The following ASTN2 variants were observed in gnomAD, a reference collection of about 807,000 sequenced individuals.
The protein encoded by ASTN2 is astrotactin-2.
A neutral mutation model predicts 139.8 loss-of-function variants in ASTN2; 54 were observed. The observed-to-expected ratio is 0.39, with a 90% CI of 0.31 to 0.48. The LOEUF is 0.48. Among genes scored for constraint, ASTN2 ranks in the 20% least tolerant of loss-of-function variants. ASTN2 has a pLI of 0.95. For synonymous variants in ASTN2, 756 were observed against 719.5 expected, an observed-to-expected ratio of 1.05 and a Z score of -0.81; for missense variants, 1,565 against 1,725.1, an observed-to-expected ratio of 0.91 and a Z score of 1.64.
chr9:116,826,397 G>A (rs1171853174), intron 11 of ASTN2, among the ~76,000 whole-genome samples: 2 of 152,112 alleles, frequency 1.3e-5, no homozygotes, highest in Non-Finnish European at 2.9e-5. Context: ...TCCCAGGCTT[G>A]GGGCCGAGTT....
chr9:117,030,782 C>A (rs1424171695), intron 6 of ASTN2, among the ~76,000 whole-genome samples: 1 of 151,792 alleles, frequency 6.6e-6, no homozygotes, highest in Non-Finnish European at 1.5e-5. Flanking sequence ...GAATTCTACT[C>A]TAGGGGGTAT....
intron 1 of ASTN2, among the ~76,000 whole-genome samples, chr9:117,314,148 C>T (rs1366473477): frequency 6.6e-6 from 1 of 152,148 alleles, no homozygotes; most frequent in Non-Finnish European, 1.5e-5. Flanking sequence ...TGGTGCTTTG[C>T]ATTTGATTGT....
At chr9:117,194,051 G>A (rs1831423796) in intron 3 of ASTN2, among the ~76,000 whole-genome samples, 1 of 152,168 alleles carries the variant, frequency 6.6e-6, no homozygotes. Flanking sequence ...CACAAGAAAG[G>A]GCAGGTTGAG....
intron 19 of ASTN2, among the ~76,000 whole-genome samples, chr9:116,563,586 G>T (rs544867698): frequency 3.6e-4 from 54 of 151,912 alleles, no homozygotes; most frequent in Non-Finnish European, 5.7e-4. Context: ...ATCTCCTTCC[G>T]ATCTTTGCTC....
chr9:117,222,668 A>T (rs1564488584), intron 2 of ASTN2, among the ~76,000 whole-genome samples: 1 of 151,994 alleles, frequency 6.6e-6, no homozygotes, highest in South Asian at 2.1e-4. Context: ...CCCATACTTC[A>T]CTGTTAACTT....
chr9:117,074,240 C>T (rs1343581209), intron 5 of ASTN2, among the ~76,000 whole-genome samples: 3 of 152,100 alleles, frequency 2.0e-5, no homozygotes, highest in Non-Finnish European at 4.4e-5. Flanking sequence ...CCATGTTGCC[C>T]GTTCTCTAGA....
intron 2 of ASTN2, among the ~76,000 whole-genome samples, chr9:117,222,347 A>G (rs1013297313): frequency 2.0e-5 from 3 of 152,178 alleles, no homozygotes; most frequent in Admixed American, 2.0e-4. Context: ...CTTGCTACAG[A>G]GAAGGCATGG....
rs546234724 is a variant in ASTN2, at chr9:117,251,100, C to T, written c.631-36358G>A. ...AGCTGAGGAGTCAGCACTATGACAG[C>T]ATCCTCGCTTTGCAGAGGAGAAGCT... is the stretch of plus-strand genomic sequence containing the variant. On this transcript the variant is annotated intron_variant, in intron 2 of 22. Coordinates refer to ENST00000313400, the MANE Select transcript of ASTN2 (RefSeq NM_001365068.1). Among the ~76,000 whole-genome samples the T allele has an allele frequency of 6.6e-5, 10 of 152,274 alleles. 1 individual carries two copies. Among genetic ancestry groups the T allele is most frequent in the African/African-American group, 2.4e-4 (10 of 41,574 alleles).
intron 3 of ASTN2, chr9:117,197,563 A>G (rs564815850): frequency 6.6e-6 from 1 of 152,346 alleles, no homozygotes; most frequent in African/African-American, 2.4e-5. Context: ...CTCCATTAAT[A>G]TATATGTAGG....
At chr9:116,679,489 G>T (rs1005833337) in intron 16 of ASTN2, among the ~76,000 whole-genome samples, 12 of 152,080 alleles carry the variant, frequency 7.9e-5, no homozygotes, top group African/African-American at 2.9e-4. Context: ...CTTAGTATAT[G>T]TTATCAGTAA....
intron 6 of ASTN2, among the ~76,000 whole-genome samples, chr9:117,012,444 C>T (rs957176215): frequency 6.6e-6 from 1 of 152,136 alleles, no homozygotes. Flanking sequence ...ATTTACCCAA[C>T]GTTGATTAAA....
intron 20 of ASTN2, among the ~76,000 whole-genome samples, chr9:116,478,087 G>C (rs1327171250): frequency 6.8e-6 from 1 of 148,082 alleles, no homozygotes; most frequent in Non-Finnish European, 1.5e-5. Context: ...AGAGGAAGCA[G>C]GGAAACAGGA....
chr9:117,264,838 A>G (rs901477147), intron 2 of ASTN2, among the ~76,000 whole-genome samples: 1 of 152,228 alleles, frequency 6.6e-6, no homozygotes, highest in Non-Finnish European at 1.5e-5. Context: ...CTTAGAACAA[A>G]TTAGATAAAT....
At chr9:116,532,888 T>A (rs1180301173) in intron 19 of ASTN2, among the ~76,000 whole-genome samples, 2 of 152,222 alleles carry the variant, frequency 1.3e-5, no homozygotes, top group Non-Finnish European at 2.9e-5. Flanking sequence ...GTTTTTCCAA[T>A]TCTGTGAAGA....
chr9:117,404,079 A>C (rs779949456), intron 1 of ASTN2, among the ~76,000 whole-genome samples: 1 of 152,248 alleles, frequency 6.6e-6, no homozygotes, highest in Non-Finnish European at 1.5e-5. Flanking sequence ...GCTGTGTGCC[A>C]GATGCTGCGC....
intron 13 of ASTN2, among the ~76,000 whole-genome samples, chr9:116,737,986 A>T (rs1828985774): frequency 6.6e-6 from 1 of 151,460 alleles, no homozygotes; most frequent in Admixed American, 6.6e-5. Context: ...AGGTCAGGAG[A>T]TCGAGACCAT....
rs995214765 is a variant in ASTN2, at chr9:116,717,376, C to T, written c.2806+8395G>A. 3.3e-5 allele frequency among the ~76,000 whole-genome samples: 5 copies of T among 152,104 alleles called. No individual in the cohort carries two copies. The East Asian group carries it at 7.7e-4, about 23-fold the overall frequency. Reference sequence around the variant, plus strand: ...GTGTTTAATGAACCACATCCTGTATCGTCTTTTTGCATGGTTCTGAGGAGA... The same window carrying T: ...GTGTTTAATGAACCACATCCTGTATTGTCTTTTTGCATGGTTCTGAGGAGA... On this transcript the variant is annotated intron_variant, in intron 16 of 22. Transcript: ENST00000313400.
At chr9:117,132,454 C>G (rs1829849610) in intron 4 of ASTN2, among the ~76,000 whole-genome samples, 1 of 152,168 alleles carries the variant, frequency 6.6e-6, no homozygotes, top group African/African-American at 2.4e-5. Flanking sequence ...TATCCCTAGG[C>G]CCCACCAGGA....
At chr9:116,604,054 CACCCACCA>C (rs1416130276) in intron 19 of ASTN2, among the ~76,000 whole-genome samples, 1 of 152,174 alleles carries the variant, frequency 6.6e-6, no homozygotes, top group Non-Finnish European at 1.5e-5. Context: ...GTTACCTCAG[CACCCACCA>C]TACTATCCCA....
Sources: gnomAD v4.1 joint callset for allele counts (sites outside exome capture counted in the v4.1 genomes callset) on GRCh38, gnomAD v4.1.1 for gene constraint, MANE v1.5 for transcripts, NCBI Gene and HGNC (gene_info 2026-07-23, HGNC 2026-07-21) for gene names.